CD99L2: variants seen among roughly 807,000 people sequenced by gnomAD.
The protein encoded by CD99L2 is CD99 antigen-like protein 2.
A neutral mutation model predicts 27.3 loss-of-function variants in CD99L2; 24 were observed. The ratio of observed to expected loss-of-function variants is 0.88; its 90% CI spans 0.64 to 1.24. The LOEUF (loss-of-function observed/expected upper bound fraction) is 1.24. Ranked by LOEUF, CD99L2 falls within the 50% of genes most tolerant of loss-of-function variation. The probability of loss-of-function intolerance (pLI) is 0.00; values close to 1 mark genes in which losing one functional copy is unlikely to be tolerated. For missense variants in CD99L2, 255 were observed against 221.6 expected, an observed-to-expected ratio of 1.15 and a Z score of -0.96; for synonymous variants, 97 against 87.9, an observed-to-expected ratio of 1.10 and a Z score of -0.58.
intron 1 of CD99L2, among the ~76,000 whole-genome samples, chrX:150,849,546 G>A (rs781990738): frequency 3.2e-4 from 35 of 111,054 alleles, no homozygotes; most frequent in Admixed American, 2.0e-3. Flanking sequence ...GCCAAGTGTG[G>A]TGGCATACAC....
intron 1 of CD99L2, among the ~76,000 whole-genome samples, chrX:150,854,435 T>C (rs1305802068): frequency 9.0e-6 from 1 of 111,686 alleles, no homozygotes; most frequent in Non-Finnish European, 1.9e-5. Context: ...TTCCTTAGCA[T>C]AGGCAAAGAA....
chrX:150,824,644 A>AGAAGAAGAAGAAGAG (rs1557420855), intron 2 of CD99L2, among the ~76,000 whole-genome samples: 162 of 76,765 alleles, frequency 2.1e-3, no homozygotes, highest in African/African-American at 7.4e-3. Flanking sequence ...AAGGAGGAGA[A>AGAAGAAGAAGAAGAG]GAAGAAGAAG....
rs1557419253 is a variant in CD99L2 at position 150,776,200 on chromosome X, T to C, written c.629A>G (p.Gln210Arg). Reference protein sequence around the residue: ...GAVSSYISYQQKKFCFSIQQG... With the variant: ...GAVSSYISYQRKKFCFSIQQG... ...CTGAATGCTGAAGCAGAACTTCTTCTGCTGGTAGGAGATGTAGCTGGAGAC... is the reference window on the plus strand; with the variant it reads ...CTGAATGCTGAAGCAGAACTTCTTCCGCTGGTAGGAGATGTAGCTGGAGAC... The change falls in exon 9 of 11, where the codon CAG becomes CGG. Residue 210 changes from glutamine (Q) to arginine (R), a missense_variant. Gln to Arg is a conservative substitution (Grantham distance 43). Transcript: ENST00000370377. 1.5e-5 allele frequency: 18 copies of C among 1,211,592 alleles called. No individual in the cohort carries two copies. Among genetic ancestry groups the C allele is most frequent in the Non-Finnish European group, 2.0e-5 (18 of 895,387 alleles).
chrX:150,855,663 C>T (rs2046871832), intron 1 of CD99L2, among the ~76,000 whole-genome samples: 1 of 111,293 alleles, frequency 9.0e-6, no homozygotes, highest in Non-Finnish European at 1.9e-5. Context: ...CAAACCATAT[C>T]ACTGGTGTCC....
At chrX:150,855,020 C>T (rs553117203) in intron 1 of CD99L2, among the ~76,000 whole-genome samples, 59 of 111,011 alleles carry the variant, frequency 5.3e-4, no homozygotes, top group East Asian at 3.4e-3. Context: ...CCTGAGCAAT[C>T]GTGAGGAAGT....
intron 2 of CD99L2, among the ~76,000 whole-genome samples, chrX:150,830,489 C>T (rs1420165096): frequency 9.0e-6 from 1 of 110,686 alleles, no homozygotes; most frequent in Non-Finnish European, 1.9e-5. Context: ...GAGTTTATGG[C>T]TACAGTAAAG....
intron 7 of CD99L2, 124 bp from the exon 8 acceptor site, chrX:150,777,606 A>G: frequency 1.4e-6 from 1 of 693,580 alleles, no homozygotes; most frequent in Middle Eastern, 4.5e-4. Context: ...GACCCCCACC[A>G]GTGGATCACC....
intron 2 of CD99L2, among the ~76,000 whole-genome samples, chrX:150,817,173 T>C (rs1178629921): frequency 5.8e-5 from 6 of 103,494 alleles, no homozygotes; most frequent in South Asian, 9.2e-4. Context: ...ATTGTGCACA[T>C]GTACCCTAAA....
In CD99L2 at chrX:150,794,388, G is replaced by C. The variant is rs960601566; in HGVS notation, c.431-632C>G. ...TATGAGCTCCTGAGCAGAAAACTCAGCTTAGCTGTTCCTCAACTCCGGACC... is the reference window on the plus strand; with the variant it reads ...TATGAGCTCCTGAGCAGAAAACTCACCTTAGCTGTTCCTCAACTCCGGACC... On this transcript the variant is annotated intron_variant, in intron 6 of 10. Coordinates refer to ENST00000370377, the MANE Select transcript of CD99L2 (RefSeq NM_031462.4). Among the ~76,000 whole-genome samples the C allele has an allele frequency of 4.5e-5, 5 of 112,174 alleles. No homozygotes were observed. In the Admixed American group the frequency reaches 4.7e-4, roughly 11 times the overall value.
intron 1 of CD99L2, among the ~76,000 whole-genome samples, chrX:150,876,657 A>G (rs2047233378): frequency 8.9e-6 from 1 of 112,408 alleles, no homozygotes; most frequent in Non-Finnish European, 1.9e-5. Flanking sequence ...GCCTTTATGA[A>G]ACTTATATTC....
chrX:150,863,225 G>A (rs1373633489), intron 1 of CD99L2, among the ~76,000 whole-genome samples: 2 of 112,013 alleles, frequency 1.8e-5, no homozygotes, highest in African/African-American at 6.5e-5. Flanking sequence ...GACAAACAAT[G>A]GCAGTCCAAC....
At chrX:150,819,023 A>G in intron 2 of CD99L2, 1 of 313,671 alleles carries the variant, frequency 3.2e-6, no homozygotes, top group Middle Eastern at 1.1e-3. Flanking sequence ...TTCAACCTGA[A>G]GCATACAAGT....
intron 7 of CD99L2, among the ~76,000 whole-genome samples, chrX:150,791,226 T>G (rs1557419703): frequency 8.9e-6 from 1 of 112,097 alleles, no homozygotes; most frequent in African/African-American, 3.2e-5. Context: ...GTAAGACACA[T>G]GGGTTAGTAT....
intron 1 of CD99L2, among the ~76,000 whole-genome samples, chrX:150,868,375 A>G (rs1557422109): frequency 9.1e-6 from 1 of 110,071 alleles, no homozygotes; most frequent in East Asian, 2.9e-4. Flanking sequence ...TAAAACTACA[A>G]AAATTAGCTG....
At chrX:150,819,135 C>A in intron 2 of CD99L2, 1 of 344,746 alleles carries the variant, frequency 2.9e-6, no homozygotes, top group Non-Finnish European at 5.6e-6. Context: ...GGTATGTGGT[C>A]TTTGGCAAGG....
intron 2 of CD99L2, among the ~76,000 whole-genome samples, chrX:150,818,051 CATA>C (rs1183152682): frequency 3.2e-5 from 3 of 93,316 alleles, no homozygotes; most frequent in Non-Finnish European, 6.1e-5. Context: ...AAGAGGAAGA[CATA>C]ATAATTTTAA....
intron 2 of CD99L2, chrX:150,818,966 G>C: frequency 3.0e-6 from 1 of 334,390 alleles, no homozygotes; most frequent in East Asian, 7.7e-5. Flanking sequence ...TGCCATAATA[G>C]TAATGGTGGC....
intron 7 of CD99L2, among the ~76,000 whole-genome samples, chrX:150,788,840 T>C (rs782286189): frequency 2.7e-5 from 3 of 111,727 alleles, no homozygotes; most frequent in Non-Finnish European, 3.8e-5. Context: ...CAAGCTCTCT[T>C]CCAAGGTGGC....
intron 7 of CD99L2, among the ~76,000 whole-genome samples, chrX:150,785,341 C>T (rs1197518496): frequency 5.4e-5 from 6 of 111,488 alleles, no homozygotes; most frequent in Non-Finnish European, 7.5e-5. Flanking sequence ...ATTCCCAGCA[C>T]GCAGACCTGT....
Sources: gnomAD v4.1 joint callset for allele counts (sites outside exome capture counted in the v4.1 genomes callset) on GRCh38, gnomAD v4.1.1 for gene constraint, MANE v1.5 for transcripts, NCBI Gene and HGNC (gene_info 2026-07-23, HGNC 2026-07-21) for gene names.